Variants in CCDC102A observed in about 807,000 individuals in gnomAD.
CCDC102A encodes coiled-coil domain containing 102A.
Under a neutral mutation model 55.5 loss-of-function variants are expected in CCDC102A, and 40 were observed. That is an observed-to-expected ratio of 0.72 (90% CI 0.56 to 0.94). The LOEUF is 0.94. Ranked by LOEUF, CCDC102A falls within the 40% of genes least tolerant of loss-of-function variation. The probability of loss-of-function intolerance (pLI) is 0.00; values close to 1 mark genes in which losing one functional copy is unlikely to be tolerated. For missense variants in CCDC102A, 779 were observed against 768.6 expected (o/e 1.01, Z -0.16); for synonymous variants, 323 against 339.0 (o/e 0.95, Z 0.52).
chr16:57,513,360 A>G (rs1343145629), intron 8 of CCDC102A, among the ~76,000 whole-genome samples: 1 of 152,222 alleles, frequency 6.6e-6, no homozygotes, highest in Admixed American at 6.5e-5. Context: ...GAAAACTTTG[A>G]GTCTAAGAAG....
chr16:57,521,245 C>A (rs1478754885), intron 3 of CCDC102A, 69 bp from the exon 4 acceptor site: 3 of 1,224,502 alleles, frequency 2.4e-6, no homozygotes, highest in East Asian at 4.6e-5. Flanking sequence ...CCAAGGGTGG[C>A]CCTGCTGTGT....
chr16:57,533,241 T>G (rs1265891754), intron 1 of CCDC102A, among the ~76,000 whole-genome samples: 2 of 151,994 alleles, frequency 1.3e-5, no homozygotes, highest in African/African-American at 4.8e-5. Context: ...ACTCCCACCT[T>G]TGCACTTCAG....
intron 1 of CCDC102A, among the ~76,000 whole-genome samples, chr16:57,531,020 C>G (rs536745141): frequency 6.6e-6 from 1 of 152,028 alleles, no homozygotes; most frequent in South Asian, 2.1e-4. Context: ...CCAGGTGAAC[C>G]CCCTGGGCTT....
chr16:57,516,779 G>A lies in CCDC102A; in HGVS notation c.1249-316C>T, dbSNP rs192057781. Among the ~76,000 whole-genome samples, 134 of 152,200 alleles carry A rather than the reference G, an allele frequency of 8.8e-4. 1 individual carries two copies. The highest frequency in any genetic ancestry group is 3.1e-3 in the African/African-American group (129 of 41,504). ...GGTCGGGGTTTCCGGGGAAGGATGA[G>A]GTCTGGAGTCTTCAGGGGCGTATGG... On this transcript the variant is annotated intron_variant, in intron 6 of 8. Coordinates refer to ENST00000258214, the MANE Select transcript of CCDC102A (RefSeq NM_033212.4). The surrounding 1 kb of genome is among the most constrained non-coding windows in gnomAD (Gnocchi z 4.4).
chr16:57,535,060 G>T (rs2032345545), intron 1 of CCDC102A, among the ~76,000 whole-genome samples: 1 of 152,204 alleles, frequency 6.6e-6, no homozygotes, highest in Non-Finnish European at 1.5e-5. Context: ...TTCAGGTAGG[G>T]CCCTGGGACA....
At chr16:57,528,168 T>C (rs1482255886) in intron 2 of CCDC102A, among the ~76,000 whole-genome samples, 1 of 152,204 alleles carries the variant, frequency 6.6e-6, no homozygotes, top group African/African-American at 2.4e-5. Flanking sequence ...TAGTCTCAGC[T>C]TAAATGTGAC....
chr16:57,527,632 C>G (rs951844764), intron 2 of CCDC102A, among the ~76,000 whole-genome samples: 1 of 152,160 alleles, frequency 6.6e-6, no homozygotes, highest in Admixed American at 6.5e-5. Flanking sequence ...GTTGGCCAGG[C>G]TGGTCTTGAA....
At chr16:57,527,055 G>A (rs1248857778) in intron 2 of CCDC102A, among the ~76,000 whole-genome samples, 1 of 152,214 alleles carries the variant, frequency 6.6e-6, no homozygotes. Context: ...ACAGCATTGT[G>A]CGCAGTGAAC....
intron 2 of CCDC102A, among the ~76,000 whole-genome samples, chr16:57,528,310 G>A (rs1257254194): frequency 6.6e-6 from 1 of 152,164 alleles, no homozygotes; most frequent in African/African-American, 2.4e-5. Context: ...CTAACTTCTA[G>A]GCAAGTTGCT....
chr16:57,526,522 A>G (rs946964194), intron 2 of CCDC102A, among the ~76,000 whole-genome samples: 1 of 152,208 alleles, frequency 6.6e-6, no homozygotes, highest in Non-Finnish European at 1.5e-5. Flanking sequence ...TTTCAGGGGC[A>G]AATAGTAAGG....
chr16:57,530,430 C>T (rs2032235015), intron 1 of CCDC102A, among the ~76,000 whole-genome samples: 2 of 152,170 alleles, frequency 1.3e-5, no homozygotes, highest in Non-Finnish European at 2.9e-5. Context: ...CCCTGGTCCA[C>T]AGATCTTCAC....
intron 1 of CCDC102A, among the ~76,000 whole-genome samples, chr16:57,533,620 A>T (rs57664616): frequency 9.9e-5 from 15 of 151,140 alleles, no homozygotes; most frequent in South Asian, 8.4e-4. Flanking sequence ...ACCCGCACTC[A>T]CACACAGCCC....
chr16:57,534,795 C>G (rs1232870025), intron 1 of CCDC102A, among the ~76,000 whole-genome samples: 1 of 152,184 alleles, frequency 6.6e-6, no homozygotes, highest in East Asian at 1.9e-4. Context: ...GGTATCTGAG[C>G]CTGTCTGGCC....
At chr16:57,517,936 C>G in intron 6 of CCDC102A, 132 bp downstream of exon 6, 2 of 1,057,226 alleles carry the variant, frequency 1.9e-6, no homozygotes, top group South Asian at 1.6e-5. Flanking sequence ...ACCAACTGGT[C>G]TAGCACACAA....
In CCDC102A at chr16:57,518,627, C is replaced by T. The variant is rs757431059; in HGVS notation, c.1036G>A (p.Glu346Lys). ...CTGGGTCCCATCCATGGCCTCACCT[C>T]GCCCCTCAGCTCGGCCATTTTCCGG... ...MDRKMAELRGEMERLQAENAA... is the reference protein window; with the variant it reads ...MDRKMAELRGKMERLQAENAA... Residue 346 changes from glutamate (E) to lysine (K), a missense_variant and splice_region_variant, in exon 5 of 9, where the codon GAG becomes AAG. Physicochemically the swap from Glu to Lys is moderately conservative, Grantham distance 56 (BLOSUM62 1). Coordinates refer to ENST00000258214, the MANE Select transcript of CCDC102A (RefSeq NM_033212.4). 1.7e-5 allele frequency: 27 copies of T among 1,612,194 alleles called. No individual in the cohort carries two copies. The East Asian group carries it at 2.9e-4, about 17-fold the overall frequency.
At chr16:57,518,341 T>G (rs2031993432) in intron 5 of CCDC102A, 64 bp from the exon 6 acceptor site, 2 of 1,487,774 alleles carry the variant, frequency 1.3e-6, no homozygotes, top group Admixed American at 4.0e-5. Flanking sequence ...CTGAGCTGGA[T>G]GCCCCCGCCA....
At position 57,528,544 on chromosome 16, in the gene CCDC102A, C is replaced by T. The variant is rs1439512649; in HGVS notation, c.585+49G>A. The T allele has an allele frequency of 1.2e-5, 14 of 1,151,628 alleles. No individual in the cohort carries two copies. In the Admixed American group the frequency reaches 4.2e-4, roughly 35 times the overall value. The allele number at this position is 1,151,628 out of a possible 1,614,324, so 71.3% of individuals were successfully genotyped here. Reference sequence around the variant, plus strand: ...AGCCCAGCAGCTCAGGACAATCGGCCCCGCCCACTTCGAGACTGGAGCGCG... The same window carrying T: ...AGCCCAGCAGCTCAGGACAATCGGCTCCGCCCACTTCGAGACTGGAGCGCG... On this transcript the variant is annotated intron_variant, in intron 2 of 8. Transcript: ENST00000258214.
chr16:57,519,663 T>C (rs545438070), intron 4 of CCDC102A, among the ~76,000 whole-genome samples: 1 of 152,346 alleles, frequency 6.6e-6, no homozygotes, highest in East Asian at 1.9e-4. Context: ...TCTACTAAAT[T>C]GTACATTTGT....
In CCDC102A at chr16:57,515,507, C is replaced by T. The variant is rs897509160; in HGVS notation, c.1420-63G>A. On this transcript the variant is annotated intron_variant, in intron 7 of 8. Transcript: ENST00000258214. ...CCAGGGCTGGGCAAGGCCGGCCACC[C>T]GCCCAGGGAAAACCACTCCTGCTGT... is the stretch of plus-strand genomic sequence containing the variant. 92 of 1,083,210 alleles carry T rather than the reference C, an allele frequency of 8.5e-5. 1 individual carries two copies. Among genetic ancestry groups the T allele is most frequent in the African/African-American group, 5.6e-4 (36 of 64,758 alleles). 67.1% of individuals were successfully genotyped at this position (1,083,210 alleles called of 1,614,324 possible). A position where few individuals can be genotyped will look rare whatever the true frequency, so the allele number is the denominator to read the frequency against.
Sources: allele counts gnomAD v4.1 joint callset (sites outside exome capture counted in the v4.1 genomes callset), GRCh38; gene constraint gnomAD v4.1.1; non-coding constraint Gnocchi (gnomAD v3.1); transcripts MANE v1.5; gene names NCBI Gene and HGNC (gene_info 2026-07-23, HGNC 2026-07-21).